Variants in GAB2 observed in about 807,000 individuals in gnomAD.
GAB2 encodes the protein GRB2 associated binding protein 2.
GAB2 carries 26 observed loss-of-function variants against 65.5 expected under a neutral mutation model. That is an observed-to-expected ratio of 0.40 (90% CI 0.29 to 0.55). GAB2 has a LOEUF of 0.55. Ranked by LOEUF, GAB2 falls within the 20% of genes least tolerant of loss-of-function variation. The probability of loss-of-function intolerance (pLI) is 0.53; values close to 1 mark genes in which losing one functional copy is unlikely to be tolerated. For missense variants in GAB2, 884 were observed against 875.8 expected (o/e 1.01, Z -0.12); for synonymous variants, 321 against 329.6 (o/e 0.97, Z 0.28).
In GAB2 at chr11:78,280,889, G is replaced by GT. The variant is rs1565140398; in HGVS notation, c.87dup (p.Arg30ThrfsTer13). 1.9e-6 allele frequency: 3 copies of GT among 1,613,394 alleles called. No homozygotes were observed. Among genetic ancestry groups the GT allele is most frequent in the Non-Finnish European group, 8.5e-7 (1 of 1,179,366 alleles). ...CGGCCACTCCGCAGGATAAACCAGC[G>GT]TTTCTTCCAGGCCTAAATCATATCA... On this transcript the variant is annotated frameshift_variant, in exon 2 of 10. Coordinates refer to ENST00000361507, the MANE Select transcript of GAB2 (RefSeq NM_080491.3). LOFTEE classifies it high-confidence loss of function.
chr11:78,316,685 G>A (rs963639184), intron 1 of GAB2, among the ~76,000 whole-genome samples: 14 of 152,150 alleles, frequency 9.2e-5, no homozygotes, highest in African/African-American at 3.1e-4. Context: ...CAATGTTGGT[G>A]GGGATATAAA....
At chr11:78,314,105 G>A (rs1027862915) in intron 1 of GAB2, among the ~76,000 whole-genome samples, 1 of 152,244 alleles carries the variant, frequency 6.6e-6, no homozygotes, top group Non-Finnish European at 1.5e-5. Context: ...GGGAAGTAAA[G>A]GAACCATTCA....
chr11:78,283,393 G>A (rs1866381802), intron 1 of GAB2, among the ~76,000 whole-genome samples: 1 of 152,062 alleles, frequency 6.6e-6, no homozygotes, highest in Non-Finnish European at 1.5e-5. Flanking sequence ...TCCTGACTAG[G>A]ATGATTCCCA....
chr11:78,402,226 C>T (rs578083839), intron 1 of GAB2, among the ~76,000 whole-genome samples: 1 of 152,270 alleles, frequency 6.6e-6, no homozygotes, highest in African/African-American at 2.4e-5. Flanking sequence ...TCTTAGTGGT[C>T]CCTCTACCTG....
intron 1 of GAB2, among the ~76,000 whole-genome samples, chr11:78,353,186 A>T (rs1024434128): frequency 6.6e-6 from 1 of 152,190 alleles, no homozygotes; most frequent in African/African-American, 2.4e-5. Context: ...TGCACCTGTA[A>T]TCCCAGCACT....
chr11:78,383,751 G>C (rs564613384), intron 1 of GAB2, among the ~76,000 whole-genome samples: 71 of 152,088 alleles, frequency 4.7e-4, no homozygotes, highest in Non-Finnish European at 8.7e-4. Context: ...GAGCCAGACC[G>C]TGTCTCAATT....
Position 78,309,257 on chromosome 11 carries a change from A to G in GAB2, c.76-28356T>C, listed in dbSNP as rs972548584. Reference sequence around the variant, plus strand: ...TGAGATATGATTCACATGCAATACAATCTACCCTTTACAGTGTACAATTCA... The same window carrying G: ...TGAGATATGATTCACATGCAATACAGTCTACCCTTTACAGTGTACAATTCA... On this transcript the variant is annotated intron_variant, in intron 1 of 9. Coordinates refer to ENST00000361507, the MANE Select transcript of GAB2 (RefSeq NM_080491.3). Among the ~76,000 whole-genome samples, 4 of 152,182 alleles carry G rather than the reference A, an allele frequency of 2.6e-5. No homozygotes were observed. In the East Asian group the frequency reaches 5.8e-4, roughly 22 times the overall value.
At chr11:78,366,001 G>C (rs1235328363) in intron 1 of GAB2, among the ~76,000 whole-genome samples, 1 of 152,152 alleles carries the variant, frequency 6.6e-6, no homozygotes, top group African/African-American at 2.4e-5. Context: ...TCTGGGCTTT[G>C]ATTTTTCTCA....
At chr11:78,289,604 T>C (rs940329441) in intron 1 of GAB2, among the ~76,000 whole-genome samples, 2 of 152,096 alleles carry the variant, frequency 1.3e-5, no homozygotes, top group African/African-American at 4.8e-5. Context: ...CATTAATATA[T>C]ATCCCTAAAA....
chr11:78,220,885 G>C (rs1396638095), intron 8 of GAB2, among the ~76,000 whole-genome samples: 1 of 152,152 alleles, frequency 6.6e-6, no homozygotes, highest in Non-Finnish European at 1.5e-5. Context: ...TTATGCACTG[G>C]AAAGTTTTCT....
intron 1 of GAB2, among the ~76,000 whole-genome samples, chr11:78,317,342 C>T (rs538212194): frequency 3.9e-5 from 6 of 152,040 alleles, no homozygotes; most frequent in African/African-American, 9.7e-5. Context: ...GTGGACAGAT[C>T]GTAAGTTAAG....
At chr11:78,404,297 C>G (rs761898803) in intron 1 of GAB2, among the ~76,000 whole-genome samples, 1 of 152,180 alleles carries the variant, frequency 6.6e-6, no homozygotes, top group Non-Finnish European at 1.5e-5. Context: ...AATCCCAGCA[C>G]TTTAGGAGGC....
In GAB2 at chr11:78,291,555, C is replaced by CTTTTTTTTTTTTTTTTTTT. The variant is rs796161663; in HGVS notation, c.76-10655_76-10654insAAAAAAAAAAAAAAAAAAA. On this transcript the variant is annotated intron_variant, in intron 1 of 9. Coordinates refer to ENST00000361507, the MANE Select transcript of GAB2 (RefSeq NM_080491.3). ...CCTATCTTGAGAGACTTACTTTTTT[C>CTTTTTTTTTTTTTTTTTTT]TTTTTCTTTTTTTTTTTTTTTTTTT... Among the ~76,000 whole-genome samples, 2 of 55,046 alleles carry CTTTTTTTTTTTTTTTTTTT rather than the reference C, an allele frequency of 3.6e-5. 1 individual carries two copies. Among genetic ancestry groups the CTTTTTTTTTTTTTTTTTTT allele is most frequent in the African/African-American group, 1.3e-4 (2 of 15,662 alleles). The allele number at this position is 55,046 out of a possible 152,430, so 36.1% of individuals were successfully genotyped here. A position where few individuals can be genotyped will look rare whatever the true frequency, so the allele number is the denominator to read the frequency against.
intron 1 of GAB2, among the ~76,000 whole-genome samples, chr11:78,312,993 T>C (rs1224326270): frequency 6.6e-6 from 1 of 152,136 alleles, no homozygotes; most frequent in East Asian, 1.9e-4. Flanking sequence ...CATGATATAC[T>C]GTTTCATGTT....
chr11:78,236,280 C>G (rs566983955), intron 3 of GAB2, among the ~76,000 whole-genome samples: 15 of 152,238 alleles, frequency 9.9e-5, no homozygotes, highest in Non-Finnish European at 2.1e-4. Context: ...TGCATAAAAA[C>G]CTTTTTATCT....
At chr11:78,326,675 AAC>A (rs1199674827) in intron 1 of GAB2, among the ~76,000 whole-genome samples, 1 of 152,212 alleles carries the variant, frequency 6.6e-6, no homozygotes, top group Non-Finnish European at 1.5e-5. Context: ...GGTCAAGGAT[AAC>A]AGTTTGTTCA....
chr11:78,392,491 A>G (rs1395163886), intron 1 of GAB2: 1 of 152,240 alleles, frequency 6.6e-6, no homozygotes, highest in Non-Finnish European at 1.5e-5. Flanking sequence ...CTATGATGCC[A>G]TTCCAAGTTG....
intron 1 of GAB2, among the ~76,000 whole-genome samples, chr11:78,331,688 A>G (rs578181630): frequency 1.3e-5 from 2 of 152,252 alleles, no homozygotes; most frequent in East Asian, 1.9e-4. Flanking sequence ...AGTCCTCAGG[A>G]TAAGAGGAAT....
intron 1 of GAB2, among the ~76,000 whole-genome samples, chr11:78,289,796 G>A (rs1346829103): frequency 1.4e-5 from 2 of 144,940 alleles, no homozygotes; most frequent in Non-Finnish European, 3.0e-5. Context: ...ATGCGGTTTT[G>A]GAAAGGAAGA....
Sources: gnomAD v4.1 joint callset for allele counts (sites outside exome capture counted in the v4.1 genomes callset) on GRCh38, gnomAD v4.1.1 for gene constraint, MANE v1.5 for transcripts, NCBI Gene and HGNC (gene_info 2026-07-23, HGNC 2026-07-21) for gene names.